Variants in ITGA1 observed in about 807,000 individuals in gnomAD.
ITGA1 encodes the protein integrin alpha-1.
Under a neutral mutation model 145.9 loss-of-function variants are expected in ITGA1, and 85 were observed. The observed-to-expected ratio is 0.58, with a 90% CI of 0.49 to 0.70. The LOEUF (loss-of-function observed/expected upper bound fraction) is 0.70. Among genes scored for constraint, ITGA1 ranks in the 30% least tolerant of loss-of-function variants. ITGA1 has a pLI of 0.00. For missense variants in ITGA1, 1,351 were observed against 1,418.7 expected, an observed-to-expected ratio of 0.95 and a Z score of 0.77; for synonymous variants, 520 against 495.3, an observed-to-expected ratio of 1.05 and a Z score of -0.66.
intron 1 of ITGA1, among the ~76,000 whole-genome samples, chr5:52,799,339 C>T (rs1000885635): frequency 2.0e-5 from 3 of 152,200 alleles, no homozygotes; most frequent in Non-Finnish European, 2.9e-5. Context: ...CTTCCCATAG[C>T]CTCGGCTTTT....
intron 1 of ITGA1, among the ~76,000 whole-genome samples, chr5:52,811,477 C>T (rs1748682819): frequency 6.6e-6 from 1 of 152,016 alleles, no homozygotes; most frequent in African/African-American, 2.4e-5. Flanking sequence ...TTTTTGCACC[C>T]TATTTTAAAA....
chr5:52,808,419 A>T (rs977401772), intron 1 of ITGA1, among the ~76,000 whole-genome samples: 4 of 152,184 alleles, frequency 2.6e-5, no homozygotes, highest in African/African-American at 9.6e-5. Flanking sequence ...ATTTATTCAG[A>T]GATAGGAGGT....
intron 1 of ITGA1, among the ~76,000 whole-genome samples, chr5:52,825,590 G>A (rs761999545): frequency 6.6e-6 from 1 of 151,956 alleles, no homozygotes; most frequent in Admixed American, 6.6e-5. Context: ...CTTTTCTTGG[G>A]CCTCTCTATT....
chr5:52,791,575 G>A (rs1034080007), intron 1 of ITGA1, among the ~76,000 whole-genome samples: 3 of 152,066 alleles, frequency 2.0e-5, no homozygotes, highest in Non-Finnish European at 4.4e-5. Flanking sequence ...GAGAACAAAG[G>A]GCAAGACAAT....
chr5:52,950,169 G>A (rs907828371), intron 28 of ITGA1, among the ~76,000 whole-genome samples: 2 of 152,154 alleles, frequency 1.3e-5, no homozygotes, highest in Non-Finnish European at 2.9e-5. Flanking sequence ...AACTTGTCCT[G>A]AACTGTGGTA....
intron 24 of ITGA1, among the ~76,000 whole-genome samples, 179 bp downstream of exon 24, chr5:52,937,693 A>T (rs1442637914): frequency 1.3e-5 from 2 of 152,214 alleles, no homozygotes; most frequent in Non-Finnish European, 2.9e-5. Flanking sequence ...TGCTGTAACA[A>T]ATTATCACAA....
chr5:52,789,089 G>A (rs1748187645), intron 1 of ITGA1, among the ~76,000 whole-genome samples: 1 of 152,174 alleles, frequency 6.6e-6, no homozygotes, highest in Non-Finnish European at 1.5e-5. Flanking sequence ...GTATTTTTAA[G>A]GAGGGGACTT....
rs746585309 is a variant in ITGA1, at chr5:52,932,077, T to C, written c.2802T>C (p.Ser934=). Residue 934 remains serine (S), a synonymous_variant, in exon 22 of 29, where the codon TCT becomes TCC. Transcript: ENST00000282588. ...GCGAAGAACCTCCTGAAACCCTTTC[T>C]GATAATGTAGTAAACATTTCTATCC... is the stretch of plus-strand genomic sequence containing the variant. ...SDSEEPPETL[S]DNVVNISIPV... 1 of 1,610,854 alleles carries C rather than the reference T, an allele frequency of 6.2e-7. No individual in the cohort carries two copies. The highest frequency in any genetic ancestry group is 8.5e-7 in the Non-Finnish European group (1 of 1,177,294).
intron 1 of ITGA1, chr5:52,800,350 C>T (rs764630675): frequency 9.3e-6 from 15 of 1,609,482 alleles, no homozygotes; most frequent in Middle Eastern, 1.9e-4. Flanking sequence ...GAGGTGAGGA[C>T]CTCCTTGGTT....
intron 7 of ITGA1, chr5:52,882,874 C>A (rs1749980882): frequency 6.6e-6 from 1 of 152,148 alleles, no homozygotes; most frequent in Non-Finnish European, 1.5e-5. Flanking sequence ...TGAACTCTTG[C>A]CTTAGGTGGA....
At chr5:52,811,222 G>A (rs749833833) in intron 1 of ITGA1, among the ~76,000 whole-genome samples, 1 of 152,174 alleles carries the variant, frequency 6.6e-6, no homozygotes, top group Admixed American at 6.5e-5. Context: ...TGTAAGAACT[G>A]GCCCATGACT....
At chr5:52,830,976 A>G (rs749675678) in intron 1 of ITGA1, among the ~76,000 whole-genome samples, 5 of 152,196 alleles carry the variant, frequency 3.3e-5, no homozygotes, top group African/African-American at 4.8e-5. Flanking sequence ...TGACCTAGCC[A>G]TGAAAGTCAG....
chr5:52,852,834 A>T (rs922741013), intron 2 of ITGA1, among the ~76,000 whole-genome samples: 3 of 152,180 alleles, frequency 2.0e-5, no homozygotes, highest in Admixed American at 1.3e-4. Context: ...GAACAACTAA[A>T]TCTAGTTTAA....
chr5:52,839,463 G>A (rs993141475), intron 1 of ITGA1, among the ~76,000 whole-genome samples: 1 of 152,130 alleles, frequency 6.6e-6, no homozygotes, highest in Admixed American at 6.5e-5. Context: ...TGAACATTAG[G>A]TAACTGGTTA....
intron 23 of ITGA1, among the ~76,000 whole-genome samples, chr5:52,936,514 A>T (rs1750967134): frequency 6.6e-6 from 1 of 152,152 alleles, no homozygotes; most frequent in Non-Finnish European, 1.5e-5. Context: ...CTATCTATGT[A>T]GATCAAGGCG....
intron 27 of ITGA1, among the ~76,000 whole-genome samples, chr5:52,946,099 C>A (rs1751132136): frequency 6.6e-6 from 1 of 152,082 alleles, no homozygotes; most frequent in African/African-American, 2.4e-5. Flanking sequence ...TACATTCATC[C>A]TAAAGGAAAA....
chr5:52,824,443 C>T (rs942973285), intron 1 of ITGA1: 1 of 152,154 alleles, frequency 6.6e-6, no homozygotes, highest in African/African-American at 2.4e-5. Context: ...AAGCATGTGC[C>T]ACCACGCCCT....
intron 2 of ITGA1, among the ~76,000 whole-genome samples, chr5:52,857,222 C>G (rs1749529262): frequency 6.6e-6 from 1 of 152,100 alleles, no homozygotes; most frequent in Non-Finnish European, 1.5e-5. Flanking sequence ...CCATCGACCA[C>G]CCTTGCAAAC....
At chr5:52,882,996 A>G (rs1219020090) in intron 7 of ITGA1, 3 of 152,238 alleles carry the variant, frequency 2.0e-5, no homozygotes, top group Admixed American at 2.0e-4. Context: ...TCAAAATTTT[A>G]TAATTTCATG....
Sources: allele counts gnomAD v4.1 joint callset (sites outside exome capture counted in the v4.1 genomes callset), GRCh38; gene constraint gnomAD v4.1.1; transcripts MANE v1.5; gene names NCBI Gene and HGNC (gene_info 2026-07-23, HGNC 2026-07-21).